DENND1A: variants seen among roughly 807,000 people sequenced by gnomAD.
DENND1A encodes DENN domain-containing protein 1A.
Under a neutral mutation model 113.7 loss-of-function variants are expected in DENND1A, and 51 were observed. That is an observed-to-expected ratio of 0.45 (90% CI 0.36 to 0.57). The LOEUF is 0.57. Among genes scored for constraint, DENND1A ranks in the 20% least tolerant of loss-of-function variants. DENND1A has a pLI of 0.00. For synonymous variants in DENND1A, 565 were observed against 570.8 expected, an observed-to-expected ratio of 0.99 and a Z score of 0.14; for missense variants, 1,258 against 1,395.9, an observed-to-expected ratio of 0.90 and a Z score of 1.57.
intron 1 of DENND1A, among the ~76,000 whole-genome samples, chr9:123,879,737 T>C (rs1411999689): frequency 1.3e-5 from 2 of 152,166 alleles, no homozygotes; most frequent in Non-Finnish European, 2.9e-5. Context: ...CTCTCCTCAG[T>C]ATATTCCAGA....
chr9:123,905,130 T>G (rs1852528306), intron 1 of DENND1A, among the ~76,000 whole-genome samples: 1 of 151,320 alleles, frequency 6.6e-6, no homozygotes, highest in Non-Finnish European at 1.5e-5. Context: ...GAAGGAGAAA[T>G]AAAATACTTT....
At chr9:123,444,018 T>C (rs1487872294) in intron 18 of DENND1A, among the ~76,000 whole-genome samples, 5 of 152,106 alleles carry the variant, frequency 3.3e-5, no homozygotes, top group African/African-American at 9.7e-5. Flanking sequence ...AGAGATCTTA[T>C]ACGTAGTAGG....
intron 19 of DENND1A, among the ~76,000 whole-genome samples, chr9:123,421,872 G>A (rs533200527): frequency 6.6e-6 from 1 of 152,194 alleles, no homozygotes; most frequent in South Asian, 2.1e-4. Context: ...TGCCATTCAA[G>A]ACCTGGCCCT....
chr9:123,822,284 A>G (rs1229861404), intron 2 of DENND1A, among the ~76,000 whole-genome samples: 1 of 152,232 alleles, frequency 6.6e-6, no homozygotes, highest in Admixed American at 6.5e-5. Flanking sequence ...TAATGTTACT[A>G]CCATCACTAT....
chr9:123,823,542 C>T (rs976502696), intron 2 of DENND1A, among the ~76,000 whole-genome samples: 7 of 152,104 alleles, frequency 4.6e-5, no homozygotes, highest in Non-Finnish European at 7.3e-5. Flanking sequence ...GGACTTCATT[C>T]GGGTATAAAA....
At chr9:123,872,374 T>TGTAATA (rs1846775483) in intron 2 of DENND1A, among the ~76,000 whole-genome samples, 1 of 152,192 alleles carries the variant, frequency 6.6e-6, no homozygotes, top group Non-Finnish European at 1.5e-5. Flanking sequence ...ATAAACATGA[T>TGTAATA]GTAATAATTC....
At chr9:123,384,760 C>A (rs1473676634) in intron 22 of DENND1A, among the ~76,000 whole-genome samples, 1 of 152,116 alleles carries the variant, frequency 6.6e-6, no homozygotes, top group Non-Finnish European at 1.5e-5. Flanking sequence ...CCAGCCTGAC[C>A]AACATGGTGA....
At chr9:123,918,772 G>A (rs942206607) in intron 1 of DENND1A, among the ~76,000 whole-genome samples, 37 of 152,112 alleles carry the variant, frequency 2.4e-4, no homozygotes, top group Non-Finnish European at 5.0e-4. Context: ...GTATGAAGAA[G>A]AAGTGATAGA....
At chr9:123,787,268 C>A (rs1385041629) in intron 3 of DENND1A, among the ~76,000 whole-genome samples, 1 of 152,010 alleles carries the variant, frequency 6.6e-6, no homozygotes, top group Non-Finnish European at 1.5e-5. Flanking sequence ...TTCATAGTAA[C>A]AAAAATTTAG....
chr9:123,611,370 G>A (rs1392280721), intron 10 of DENND1A, among the ~76,000 whole-genome samples: 4 of 152,162 alleles, frequency 2.6e-5, no homozygotes, highest in Non-Finnish European at 5.9e-5. Context: ...AGTGTACACT[G>A]AAATGAATGT....
chr9:123,600,633 C>T (rs966530136), intron 11 of DENND1A, among the ~76,000 whole-genome samples: 4 of 152,136 alleles, frequency 2.6e-5, no homozygotes, highest in African/African-American at 9.7e-5. Flanking sequence ...AGTAACCATA[C>T]CCTTTTCCTC....
chr9:123,805,089 T>C (rs1564303653), intron 2 of DENND1A, among the ~76,000 whole-genome samples: 1 of 152,166 alleles, frequency 6.6e-6, no homozygotes, highest in African/African-American at 2.4e-5. Context: ...CTCTGTCTGA[T>C]AAAATATCAA....
intron 1 of DENND1A, among the ~76,000 whole-genome samples, chr9:123,879,469 G>A (rs530246494): frequency 3.3e-5 from 5 of 152,202 alleles, no homozygotes; most frequent in Middle Eastern, 3.4e-3. Context: ...GGAGGCAGAG[G>A]TTGCAGTGAG....
chr9:123,589,912 G>T (rs531659558), intron 11 of DENND1A, among the ~76,000 whole-genome samples: 1 of 152,292 alleles, frequency 6.6e-6, no homozygotes, highest in South Asian at 2.1e-4. Flanking sequence ...GCTTGTCCCC[G>T]ACCAGGGGGC....
chr9:123,673,056 C>T (rs945711095), intron 6 of DENND1A, among the ~76,000 whole-genome samples: 14 of 152,208 alleles, frequency 9.2e-5, no homozygotes, highest in African/African-American at 2.9e-4. Flanking sequence ...ATGGCCTTGA[C>T]GATGAGACCA....
chr9:123,442,570 C>T (rs978776432), intron 18 of DENND1A, among the ~76,000 whole-genome samples: 2 of 151,134 alleles, frequency 1.3e-5, no homozygotes, highest in East Asian at 1.9e-4. Flanking sequence ...AAATTTTGTG[C>T]GTGGGTGTGT....
chr9:123,835,449 C>T (rs986824844), intron 2 of DENND1A, among the ~76,000 whole-genome samples: 2 of 151,906 alleles, frequency 1.3e-5, no homozygotes, highest in Non-Finnish European at 2.9e-5. Flanking sequence ...AATCTGTGTC[C>T]CTCTAGTAAT....
chr9:123,809,952 G>A (rs1836266974), intron 2 of DENND1A, among the ~76,000 whole-genome samples: 1 of 152,182 alleles, frequency 6.6e-6, no homozygotes, highest in South Asian at 2.1e-4. Context: ...TGGGATTTAG[G>A]CAGGAGCCAC....
chr9:123,876,884 G>A (rs1847550666), intron 2 of DENND1A, among the ~76,000 whole-genome samples: 1 of 152,140 alleles, frequency 6.6e-6, no homozygotes, highest in Non-Finnish European at 1.5e-5. Flanking sequence ...CCATAAAAAA[G>A]AATGAAATAA....
Sources: gnomAD v4.1 joint callset for allele counts (sites outside exome capture counted in the v4.1 genomes callset) on GRCh38, gnomAD v4.1.1 for gene constraint, MANE v1.5 for transcripts, NCBI Gene and HGNC (gene_info 2026-07-23, HGNC 2026-07-21) for gene names.